The following MYOF variants were observed in gnomAD, a reference collection of about 807,000 sequenced individuals.
The protein encoded by MYOF is fer-1-like 3, myoferlin.
A neutral mutation model predicts 284.2 loss-of-function variants in MYOF; 244 were observed. That is an observed-to-expected ratio of 0.86 (90% CI 0.77 to 0.95). MYOF has a LOEUF of 0.95. MYOF is among the 40% of genes least tolerant of loss of function. The pLI is 0.00. For synonymous variants in MYOF, 904 were observed against 919.7 expected (o/e 0.98, Z 0.31); for missense variants, 2,496 against 2,560.6 (o/e 0.97, Z 0.54).
intron 1 of MYOF, among the ~76,000 whole-genome samples, chr10:93,476,245 CTTTTTTTTT>C (rs67108011): frequency 1.5e-5 from 1 of 64,998 alleles, no homozygotes; most frequent in African/African-American, 6.6e-5. Flanking sequence ...CTTCCCCATT[CTTTTTTTTT>C]TTTTTTTTTT....
chr10:93,379,730 TC>T (rs1846023084), intron 21 of MYOF, 132 bp downstream of exon 21: 1 of 1,152,578 alleles, frequency 8.7e-7, no homozygotes, highest in Non-Finnish European at 1.2e-6. Context: ...CCTCCACTGT[TC>T]CTAGAGACAT....
intron 4 of MYOF, among the ~76,000 whole-genome samples, 159 bp downstream of exon 4, chr10:93,431,249 G>A (rs1485271175): frequency 2.0e-5 from 3 of 151,932 alleles, no homozygotes; most frequent in Non-Finnish European, 2.9e-5. Context: ...GGCTGGCCTC[G>A]AACTCCTGAC....
chr10:93,318,774 A>G (rs1257057377), intron 49 of MYOF, among the ~76,000 whole-genome samples: 1 of 152,146 alleles, frequency 6.6e-6, no homozygotes, highest in Non-Finnish European at 1.5e-5. Flanking sequence ...AACAAAAAAT[A>G]GTGCTTACTA....
At chr10:93,328,151 C>T (rs1322608672) in intron 45 of MYOF, among the ~76,000 whole-genome samples, 2 of 152,144 alleles carry the variant, frequency 1.3e-5, no homozygotes, top group Non-Finnish European at 2.9e-5. Flanking sequence ...TTGTTCAGCT[C>T]CCCCTGGATA....
chr10:93,451,327 C>CA (rs961941997), intron 3 of MYOF, among the ~76,000 whole-genome samples: 9 of 150,554 alleles, frequency 6.0e-5, no homozygotes, highest in African/African-American at 9.7e-5. Flanking sequence ...GTGACAGAGT[C>CA]AAAAAAAAGA....
At chr10:93,323,765 C>A in intron 46 of MYOF, 1 of 172,936 alleles carries the variant, frequency 5.8e-6, no homozygotes, top group East Asian at 1.5e-4. Flanking sequence ...TTGGGTCCTT[C>A]GCCTTTAGCA....
chr10:93,344,628 T>G (rs1230756560), intron 37 of MYOF, among the ~76,000 whole-genome samples: 4 of 147,090 alleles, frequency 2.7e-5, no homozygotes, highest in Non-Finnish European at 5.9e-5. Flanking sequence ...AAATATCTAA[T>G]GTAGATAACA....
Position 93,469,676 on chromosome 10 carries a change from C to T in MYOF, c.88+12431G>A, listed in dbSNP as rs142975209. Among the ~76,000 whole-genome samples the T allele has an allele frequency of 2.3e-3, 352 of 152,238 alleles. 1 individual carries two copies. The highest frequency in any genetic ancestry group is 8.2e-3 in the African/African-American group (340 of 41,548). ...GAGTAAGCAGCAGAGCCCAGATTGCCAGCAATGTGGGCTGAGTTCACGTGC... is the reference window on the plus strand; with the variant it reads ...GAGTAAGCAGCAGAGCCCAGATTGCTAGCAATGTGGGCTGAGTTCACGTGC... On this transcript the variant is annotated intron_variant, in intron 1 of 53. Coordinates refer to ENST00000359263, the MANE Select transcript of MYOF (RefSeq NM_013451.4).
intron 5 of MYOF, among the ~76,000 whole-genome samples, chr10:93,419,761 G>C (rs762152774): frequency 6.6e-6 from 1 of 152,190 alleles, no homozygotes; most frequent in Non-Finnish European, 1.5e-5. Context: ...CAAGCTCCTT[G>C]GTGGTAAAAC....
chr10:93,429,423 C>A (rs182335659), intron 4 of MYOF, among the ~76,000 whole-genome samples: 1 of 152,136 alleles, frequency 6.6e-6, no homozygotes, highest in Admixed American at 6.6e-5. Flanking sequence ...CTAACACACT[C>A]CACTGAATCA....
At chr10:93,323,220 CA>C in intron 47 of MYOF, 47 bp from the exon 48 acceptor site, 1 of 1,613,398 alleles carries the variant, frequency 6.2e-7, no homozygotes, top group East Asian at 2.2e-5. Flanking sequence ...GGTCCTGGAC[CA>C]AGTCCCCAGC....
At position 93,335,832 on chromosome 10, in the gene MYOF, C is replaced by T; in HGVS notation, c.4563+89G>A. 3.4e-6 allele frequency: 5 copies of T among 1,474,500 alleles called. No individual in the cohort carries two copies. In the South Asian group the frequency reaches 4.0e-5, roughly 12 times the overall value. The allele number at this position is 1,474,500 out of a possible 1,614,324, so 91.3% of individuals were successfully genotyped here. A position where few individuals can be genotyped will look rare whatever the true frequency, so the allele number is the denominator to read the frequency against. ...ATCCCTCAGAGGCTGCAGGATGTGCCCCTCCCTAGAGCCTGGTTGTCCTTT... is the reference window on the plus strand; with the variant it reads ...ATCCCTCAGAGGCTGCAGGATGTGCTCCTCCCTAGAGCCTGGTTGTCCTTT... On this transcript the variant is annotated intron_variant, in intron 41 of 53. Coordinates refer to ENST00000359263, the MANE Select transcript of MYOF (RefSeq NM_013451.4).
rs1271223936 is a variant in MYOF at position 93,406,288 on chromosome 10, T to TTTTATA, written c.730-2070_730-2069insTATAAA. ...TAGAAATTTTTTTAGTAAACCTCTT[T>TTTTATA]TATATATATATATATATATATATAT... On this transcript the variant is annotated intron_variant, in intron 7 of 53. Coordinates refer to ENST00000359263, the MANE Select transcript of MYOF (RefSeq NM_013451.4). 1.1e-3 allele frequency among the ~76,000 whole-genome samples: 63 copies of TTTTATA among 58,154 alleles called. 4 individuals carry two copies. The highest frequency in any genetic ancestry group is 2.0e-3 in the African/African-American group (51 of 25,932). 38.2% of individuals were successfully genotyped at this position (58,154 alleles called of 152,430 possible).
rs1476510643 is a variant in MYOF at position 93,431,400 on chromosome 10, ACACT to A, written c.345+4_345+7del. ...TCAAAGCCATTCAATAAGAGAGAAA[ACACT>A]CACCCCAGTATCTTGCCCTTTTTCA... On this transcript the variant is annotated splice_donor_5th_base_variant and intron_variant, in intron 4 of 53. Coordinates refer to ENST00000359263, the MANE Select transcript of MYOF (RefSeq NM_013451.4). 1.9e-6 allele frequency: 3 copies of A among 1,611,852 alleles called. No individual in the cohort carries two copies. Among genetic ancestry groups the A allele is most frequent in the African/African-American group, 1.3e-5 (1 of 74,850 alleles).
chr10:93,464,091 A>G (rs2056949361), intron 1 of MYOF, among the ~76,000 whole-genome samples: 1 of 152,192 alleles, frequency 6.6e-6, no homozygotes, highest in Admixed American at 6.5e-5. Context: ...AAGCAAAATT[A>G]CCCTCTATAA....
At chr10:93,339,766 G>T (rs1363065063) in intron 39 of MYOF, among the ~76,000 whole-genome samples, 3 of 150,570 alleles carry the variant, frequency 2.0e-5, no homozygotes, top group Admixed American at 2.0e-4. Flanking sequence ...ACTGTGCCCG[G>T]CCCCCCTAGA....
rs757904025 is a variant in MYOF at position 93,328,924 on chromosome 10, T to A, written c.4983-13A>T. Reference sequence around the variant, plus strand: ...ATTGACTCCAGAACTGTGAATAGCATCACGTGGCTCGGAGTTACGGAGGAG... The same window carrying A: ...ATTGACTCCAGAACTGTGAATAGCAACACGTGGCTCGGAGTTACGGAGGAG... On this transcript the variant is annotated splice_polypyrimidine_tract_variant and intron_variant, in intron 44 of 53. Coordinates refer to ENST00000359263, the MANE Select transcript of MYOF (RefSeq NM_013451.4). 1 of 1,585,372 alleles carries A rather than the reference T, an allele frequency of 6.3e-7. No homozygotes were observed.
chr10:93,408,765 C>T (rs756579535), intron 7 of MYOF, 22 bp downstream of exon 7: 1 of 1,613,880 alleles, frequency 6.2e-7, no homozygotes, highest in Non-Finnish European at 8.5e-7. Context: ...TGAGCAGAAA[C>T]ATGCCCTCTC....
intron 46 of MYOF, among the ~76,000 whole-genome samples, chr10:93,324,936 C>T (rs1172476540): frequency 3.9e-5 from 6 of 151,972 alleles, no homozygotes; most frequent in East Asian, 1.9e-4. Context: ...CCCACCACCG[C>T]GCCCAGCTAA....
Sources: allele counts gnomAD v4.1 joint callset (sites outside exome capture counted in the v4.1 genomes callset), GRCh38; gene constraint gnomAD v4.1.1; transcripts MANE v1.5; gene names NCBI Gene and HGNC (gene_info 2026-07-23, HGNC 2026-07-21).